Variants in HMBOX1 observed in about 807,000 individuals in gnomAD.
The protein encoded by HMBOX1 is homeobox-containing protein 1.
In HMBOX1, 14 loss-of-function variants were observed where a neutral mutation model predicts 54.5. The observed-to-expected ratio is 0.26, with a 90% CI of 0.17 to 0.40. The LOEUF is 0.40. Among genes scored for constraint, HMBOX1 ranks in the 10% least tolerant of loss-of-function variants. The pLI, the probability that HMBOX1 is intolerant of heterozygous loss-of-function variation, is 1.00. For missense variants in HMBOX1, 332 were observed against 514.4 expected (o/e 0.65, Z 3.43); for synonymous variants, 160 against 181.0 (o/e 0.88, Z 0.93).
rs777734538 is a variant in HMBOX1, at chr8:29,018,841, C to T, written c.779C>T (p.Thr260Ile). The T allele has an allele frequency of 6.2e-7, 1 of 1,614,004 alleles. No homozygotes were observed. Among genetic ancestry groups the T allele is most frequent in the Non-Finnish European group, 8.5e-7 (1 of 1,179,962 alleles). ...WRQTPPPVSA[T>I]SGTFRLRRGS... ...CAAACGCCTCCCCCAGTCTCTGCCA[C>T]ATCTGGTACTTTCCGACTGCGACGA... is the stretch of plus-strand genomic sequence containing the variant. Residue 260 changes from threonine to isoleucine, a missense_variant, in exon 6 of 10, where the codon ACA (threonine) becomes ATA (isoleucine). Transcript: ENST00000287701.
intron 1 of HMBOX1, among the ~76,000 whole-genome samples, chr8:28,963,390 A>G (rs912310572): frequency 8.5e-5 from 13 of 152,248 alleles, no homozygotes; most frequent in African/African-American, 2.7e-4. Context: ...TACATTTTGC[A>G]TATATCATTA....
intron 6 of HMBOX1, among the ~76,000 whole-genome samples, chr8:29,042,995 CA>C (rs1805066285): frequency 6.6e-6 from 1 of 152,110 alleles, no homozygotes; most frequent in African/African-American, 2.4e-5. Context: ...GGTAGAATTC[CA>C]AGGGTTAAGC....
At chr8:28,894,435 A>G (rs1035372458) in intron 1 of HMBOX1, among the ~76,000 whole-genome samples, 6 of 152,246 alleles carry the variant, frequency 3.9e-5, no homozygotes, top group Admixed American at 3.3e-4. Flanking sequence ...TGTTGTCCAC[A>G]TTATAGAAGC....
At chr8:28,907,939 A>C (rs896736382) in intron 1 of HMBOX1, among the ~76,000 whole-genome samples, 1 of 151,098 alleles carries the variant, frequency 6.6e-6, no homozygotes, top group African/African-American at 2.4e-5. Flanking sequence ...TCATCTCATC[A>C]GCTCAAGCCA....
chr8:28,952,856 A>G (rs1823733528), intron 1 of HMBOX1, among the ~76,000 whole-genome samples: 1 of 152,296 alleles, frequency 6.6e-6, no homozygotes, highest in Non-Finnish European at 1.5e-5. Flanking sequence ...ATCACAAATC[A>G]TAATGATGCT....
At chr8:28,942,688 A>G (rs1353049424) in intron 1 of HMBOX1, among the ~76,000 whole-genome samples, 2 of 152,158 alleles carry the variant, frequency 1.3e-5, no homozygotes, top group South Asian at 2.1e-4. Flanking sequence ...ATATTAGCAC[A>G]TAACGAATTT....
chr8:28,997,598 A>G (rs1399399541), intron 4 of HMBOX1, among the ~76,000 whole-genome samples: 2 of 152,150 alleles, frequency 1.3e-5, no homozygotes, highest in Admixed American at 1.3e-4. Flanking sequence ...CCAAGCTACA[A>G]TGCAGTGGCA....
chr8:29,023,154 T>C (rs942473480), intron 6 of HMBOX1, among the ~76,000 whole-genome samples: 1 of 152,028 alleles, frequency 6.6e-6, no homozygotes, highest in Non-Finnish European at 1.5e-5. Flanking sequence ...ATAAAACAAA[T>C]AGTCATATTA....
At position 28,960,765 on chromosome 8, in the gene HMBOX1, C is replaced by CTTTTTTTTTTTTTTTTT. The variant is rs1162477676; in HGVS notation, c.-57-3023_-57-3007dup. 9.8e-4 allele frequency among the ~76,000 whole-genome samples: 16 copies of CTTTTTTTTTTTTTTTTT among 16,248 alleles called. 1 individual carries two copies. The highest frequency in any genetic ancestry group is 1.3e-3 in the Non-Finnish European group (10 of 7,550). 10.7% of individuals were successfully genotyped at this position (16,248 alleles called of 152,430 possible). On this transcript the variant is annotated intron_variant, in intron 1 of 9. Transcript: ENST00000287701. ...TTATTCTCTTTTTCTTTTTCTTTTT[C>CTTTTTTTTTTTTTTTTT]TTTTTTTTTTTTTTTTTTTTTTTTT... is the stretch of plus-strand genomic sequence containing the variant.
Position 28,970,894 on chromosome 8 carries a change from G to T in HMBOX1, c.500+375G>T, listed in dbSNP as rs76972753. 2.0e-5 allele frequency among the ~76,000 whole-genome samples: 3 copies of T among 150,224 alleles called. No individual in the cohort carries two copies. Among genetic ancestry groups the T allele is most frequent in the Non-Finnish European group, 4.4e-5 (3 of 67,698 alleles). ...GATAATTTTATCTTGATCAGAATAT[G>T]TACACTCTTAATTTTTCTGTTCAAC... On this transcript the variant is annotated intron_variant, in intron 3 of 9. Transcript: ENST00000287701. This position sits in a 1 kb window ranked among gnomAD's most constrained non-coding sequence, Gnocchi z 4.3.
At chr8:28,957,013 A>G (rs1221124765) in intron 1 of HMBOX1, among the ~76,000 whole-genome samples, 1 of 152,246 alleles carries the variant, frequency 6.6e-6, no homozygotes, top group East Asian at 1.9e-4. Context: ...GCCACTGTAG[A>G]AAGCAATTTG....
At chr8:28,998,451 A>G (rs1832173296) in intron 4 of HMBOX1, among the ~76,000 whole-genome samples, 1 of 152,004 alleles carries the variant, frequency 6.6e-6, no homozygotes, top group African/African-American at 2.4e-5. Context: ...TCTTACATTA[A>G]TATTTAACTG....
chr8:28,941,161 C>T (rs1298076224), intron 1 of HMBOX1, among the ~76,000 whole-genome samples: 1 of 152,064 alleles, frequency 6.6e-6, no homozygotes, highest in African/African-American at 2.4e-5. Flanking sequence ...GGTTTCAGCA[C>T]AAACTATCTT....
chr8:28,996,099 C>T (rs1831782913), intron 4 of HMBOX1, among the ~76,000 whole-genome samples: 1 of 151,308 alleles, frequency 6.6e-6, no homozygotes, highest in Non-Finnish European at 1.5e-5. Context: ...GAGTGAGACT[C>T]CATCTCAAAA....
At chr8:29,049,077 C>A in intron 9 of HMBOX1, 29 bp downstream of exon 9, 1 of 1,595,920 alleles carries the variant, frequency 6.3e-7, no homozygotes, top group South Asian at 1.1e-5. Flanking sequence ...GGGCGAGGTT[C>A]TTGGTGCCTG....
chr8:28,918,266 C>T (rs1232132154), intron 1 of HMBOX1, among the ~76,000 whole-genome samples: 1 of 152,130 alleles, frequency 6.6e-6, no homozygotes, highest in East Asian at 1.9e-4. Context: ...TGCAGTGGCG[C>T]GATCTCGGCT....
At chr8:29,003,318 T>C (rs968517387) in intron 4 of HMBOX1, among the ~76,000 whole-genome samples, 1 of 151,682 alleles carries the variant, frequency 6.6e-6, no homozygotes, top group African/African-American at 2.4e-5. Context: ...AACTGCAGTA[T>C]CGAATAATAG....
chr8:29,041,002 T>C (rs1194007815), intron 6 of HMBOX1, among the ~76,000 whole-genome samples: 1 of 152,208 alleles, frequency 6.6e-6, no homozygotes, highest in Non-Finnish European at 1.5e-5. Flanking sequence ...ATTTTCTAGC[T>C]GGTCCAAATA....
intron 4 of HMBOX1, among the ~76,000 whole-genome samples, chr8:29,000,616 A>C (rs989133092): frequency 2.0e-5 from 3 of 152,254 alleles, no homozygotes; most frequent in Non-Finnish European, 4.4e-5. Flanking sequence ...GAAGCTATTC[A>C]CACTGAGTGA....
Sources: gnomAD v4.1 joint callset for allele counts (sites outside exome capture counted in the v4.1 genomes callset) on GRCh38, gnomAD v4.1.1 for gene constraint, Gnocchi (gnomAD v3.1) non-coding constraint, MANE v1.5 for transcripts, NCBI Gene and HGNC (gene_info 2026-07-23, HGNC 2026-07-21) for gene names.